CNTFR: variants seen among roughly 807,000 people sequenced by gnomAD.
CNTFR encodes the protein ciliary neurotrophic factor receptor.
In CNTFR, 12 loss-of-function variants were observed where a neutral mutation model predicts 40.4. That is an observed-to-expected ratio of 0.30 (90% CI 0.19 to 0.48). The LOEUF (loss-of-function observed/expected upper bound fraction) is 0.48, where lower values mean the gene tolerates loss of function less well. Among genes scored for constraint, CNTFR ranks in the 20% least tolerant of loss-of-function variants. The pLI is 0.99. For missense variants in CNTFR, 414 were observed against 506.8 expected (o/e 0.82, Z 1.76); for synonymous variants, 202 against 209.6 (o/e 0.96, Z 0.31).
upstream of CNTFR, among the ~76,000 whole-genome samples, chr9:34,590,377 C>A (rs951736327): frequency 9.9e-5 from 15 of 152,202 alleles, no homozygotes; most frequent in African/African-American, 3.6e-4. Context: ...CCTCCGGCGT[C>A]GCCGTGAGAG....
At position 34,577,413 on chromosome 9, in the gene CNTFR, G is replaced by A. The variant is rs117250246; in HGVS notation, c.-1+3682C>T. Among the ~76,000 whole-genome samples the A allele has an allele frequency of 2.0e-3, 312 of 152,344 alleles. 7 individuals carry two copies. In the East Asian group the frequency reaches 0.054, roughly 26 times the overall value. On this transcript the variant is annotated intron_variant, in intron 2 of 9. Coordinates refer to ENST00000378980, the MANE Select transcript of CNTFR (RefSeq NM_147164.3). ...GGGCAGTGGGGACAAAAGAAACCAGGCAGCAGGGTGTAAGGAAACCAGGTG... is the reference window on the plus strand; with the variant it reads ...GGGCAGTGGGGACAAAAGAAACCAGACAGCAGGGTGTAAGGAAACCAGGTG...
At chr9:34,563,390 C>A (rs1233559334) in intron 4 of CNTFR, among the ~76,000 whole-genome samples, 1 of 152,224 alleles carries the variant, frequency 6.6e-6, no homozygotes, top group African/African-American at 2.4e-5. Flanking sequence ...ATCCCAGCTC[C>A]CTCACCCTCA....
At chr9:34,577,843 GAAGA>G (rs1456241806) in intron 2 of CNTFR, among the ~76,000 whole-genome samples, 2 of 152,058 alleles carry the variant, frequency 1.3e-5, no homozygotes, top group Non-Finnish European at 2.9e-5. Flanking sequence ...GAAGAGAAAA[GAAGA>G]GAGACAGCTT....
rs1825893819 is a variant in CNTFR at position 34,557,467 on chromosome 9, C to T, written c.604+59G>A. The T allele has an allele frequency of 1.1e-5, 17 of 1,579,742 alleles. No homozygotes were observed. The South Asian group carries it at 1.4e-4, about 13-fold the overall frequency. On this transcript the variant is annotated intron_variant, in intron 6 of 9. Coordinates refer to ENST00000378980, the MANE Select transcript of CNTFR (RefSeq NM_147164.3). This position sits in a 1 kb window ranked among gnomAD's most constrained non-coding sequence, Gnocchi z 4.2. ...CATGTGGACATCCCCACCAATGGCA[C>T]ACATCCACTTACATTCCCACTGGAG...
Position 34,551,882 on chromosome 9 carries a change from G to C in CNTFR, c.*189C>G, listed in dbSNP as rs929311696. 2.9e-6 allele frequency: 2 copies of C among 690,148 alleles called. No individual in the cohort carries two copies. The highest frequency in any genetic ancestry group is 3.5e-5 in the African/African-American group (2 of 56,774). 42.8% of individuals were successfully genotyped at this position (690,148 alleles called of 1,614,324 possible). ...CCCACCTCCCCTGAGGGAGGAAGGA[G>C]GGCCAGCTTGGTGCGGCAGGGCTGG... On this transcript the variant is annotated 3_prime_UTR_variant, in exon 10 of 10. Coordinates refer to ENST00000378980, the MANE Select transcript of CNTFR (RefSeq NM_147164.3).
At chr9:34,568,862 A>AG in intron 3 of CNTFR, 35 bp downstream of exon 3, 1 of 1,544,692 alleles carries the variant, frequency 6.5e-7, no homozygotes, top group Non-Finnish European at 8.8e-7. Context: ...CAGCTCTGAG[A>AG]GGGGGGTCAG....
At chr9:34,580,756 A>G (rs191688887) in intron 2 of CNTFR, among the ~76,000 whole-genome samples, 8 of 152,278 alleles carry the variant, frequency 5.3e-5, no homozygotes, top group Admixed American at 5.2e-4. Context: ...CTCCAATCAA[A>G]TAAGAGAGAT....
At chr9:34,579,399 T>C (rs1289651222) in intron 2 of CNTFR, among the ~76,000 whole-genome samples, 1 of 149,756 alleles carries the variant, frequency 6.7e-6, no homozygotes, top group Non-Finnish European at 1.5e-5. Context: ...AGAGCTGGGG[T>C]TGGGGGAGAA....
intron 7 of CNTFR, among the ~76,000 whole-genome samples, chr9:34,555,482 C>T (rs959517129): frequency 6.6e-6 from 1 of 152,104 alleles, no homozygotes; most frequent in Non-Finnish European, 1.5e-5. Flanking sequence ...GGGCCCAGGG[C>T]CCTCAAAGCA....
At position 34,552,659 on chromosome 9, in the gene CNTFR, C is replaced by T. The variant is rs1176576806; in HGVS notation, c.949+15G>A. On this transcript the variant is annotated intron_variant, in intron 8 of 9. Transcript: ENST00000378980. This position sits in a 1 kb window ranked among gnomAD's most constrained non-coding sequence, Gnocchi z 5.1. Reference sequence around the variant, plus strand: ...GGACAGCAAAGCCAGGAGGTAGGGGCGGGAGCAAGCTCACCCGCAGCCTGG... The same window carrying T: ...GGACAGCAAAGCCAGGAGGTAGGGGTGGGAGCAAGCTCACCCGCAGCCTGG... The T allele has an allele frequency of 9.9e-6, 16 of 1,610,210 alleles. No individual in the cohort carries two copies. Among genetic ancestry groups the T allele is most frequent in the East Asian group, 2.2e-5 (1 of 44,864 alleles).
At chr9:34,558,207 C>G (rs528203869) in intron 4 of CNTFR, among the ~76,000 whole-genome samples, 18 of 152,332 alleles carry the variant, frequency 1.2e-4, no homozygotes, top group African/African-American at 3.6e-4. Context: ...CGGAACCCCC[C>G]CTCCACCTGC....
chr9:34,553,877 C>T (rs1199095931), intron 7 of CNTFR, among the ~76,000 whole-genome samples: 5 of 152,228 alleles, frequency 3.3e-5, no homozygotes, highest in East Asian at 1.9e-4. Flanking sequence ...CTCTGGGCCA[C>T]GTCTGGCTTC....
Position 34,557,389 on chromosome 9 carries a change from G to A in CNTFR, c.604+137C>T, listed in dbSNP as rs752019553. The A allele has an allele frequency of 1.7e-5, 15 of 892,590 alleles. No individual in the cohort carries two copies. The highest frequency in any genetic ancestry group is 2.1e-5 in the Non-Finnish European group (12 of 578,506). The allele number at this position is 892,590 out of a possible 1,614,324, so 55.3% of individuals were successfully genotyped here. The stretch of plus-strand genomic sequence containing the variant: ...CATGCATATATGTGCACATATATGT[G>A]CACTGTACATACCTGTGCAGAGGCA... On this transcript the variant is annotated intron_variant, in intron 6 of 9. Coordinates refer to ENST00000378980, the MANE Select transcript of CNTFR (RefSeq NM_147164.3). The surrounding 1 kb of genome is among the most constrained non-coding windows in gnomAD (Gnocchi z 4.2).
In CNTFR at chr9:34,551,667, A is replaced by G. The variant is rs1390738429; in HGVS notation, c.*404T>C. 4 of 351,410 alleles carry G rather than the reference A, an allele frequency of 1.1e-5. No individual in the cohort carries two copies. The highest frequency in any genetic ancestry group is 2.1e-5 in the African/African-American group (1 of 46,630). 21.8% of individuals were successfully genotyped at this position (351,410 alleles called of 1,614,324 possible). ...AGGGGGATGGCTGGGCCCCCCCAGCATCAGGAGCTTATAATCTGATGGTGG... is the reference window on the plus strand; with the variant it reads ...AGGGGGATGGCTGGGCCCCCCCAGCGTCAGGAGCTTATAATCTGATGGTGG... On this transcript the variant is annotated 3_prime_UTR_variant, in exon 10 of 10. Transcript: ENST00000378980.
rs1022516382 is a variant in CNTFR at position 34,557,287 on chromosome 9, A to G, written c.604+239T>C. 3.3e-5 allele frequency among the ~76,000 whole-genome samples: 5 copies of G among 152,140 alleles called. No individual in the cohort carries two copies. Among genetic ancestry groups the G allele is most frequent in the African/African-American group, 1.2e-4 (5 of 41,410 alleles). ...GCATGTTCTGGGAGCCAGAAAAATG[A>G]TCGAAAGAGCTGCTGGACAGGTCTC... On this transcript the variant is annotated intron_variant, in intron 6 of 9. Transcript: ENST00000378980. The surrounding 1 kb of genome is among the most constrained non-coding windows in gnomAD (Gnocchi z 4.2).
Position 34,552,353 on chromosome 9 carries a change from G to A in CNTFR, c.950-24C>T, listed in dbSNP as rs1413706662. 6.5e-7 allele frequency: 1 copy of A among 1,530,206 alleles called. No individual in the cohort carries two copies. The highest frequency in any genetic ancestry group is 1.2e-5 in the South Asian group (1 of 83,106). The allele number at this position is 1,530,206 out of a possible 1,614,324, so 94.8% of individuals were successfully genotyped here. A position where few individuals can be genotyped will look rare whatever the true frequency, so the allele number is the denominator to read the frequency against. On this transcript the variant is annotated intron_variant, in intron 8 of 9. Transcript: ENST00000378980. The surrounding 1 kb of genome is among the most constrained non-coding windows in gnomAD (Gnocchi z 5.1). ...CTCTGGGGAACATGGGGGAAACTCA[G>A]GGCAAGGCCAGGGCTGGGTCCCATC...
intron 1 of CNTFR, chr9:34,582,702 T>C (rs370081588): frequency 1.7e-4 from 26 of 151,736 alleles, no homozygotes; most frequent in African/African-American, 5.8e-4. Flanking sequence ...TAGTGACAGA[T>C]ACAGCCACAC....
intron 4 of CNTFR, among the ~76,000 whole-genome samples, chr9:34,559,254 ACT>A (rs1564060322): frequency 6.6e-6 from 1 of 151,974 alleles, no homozygotes; most frequent in Non-Finnish European, 1.5e-5. Context: ...ACTGTGAGTG[ACT>A]CTGTGTGATT....
intron 3 of CNTFR, among the ~76,000 whole-genome samples, chr9:34,567,105 A>G (rs969837912): frequency 3.3e-5 from 5 of 152,204 alleles, no homozygotes; most frequent in Non-Finnish European, 5.9e-5. Flanking sequence ...GTCTCTGGAC[A>G]GCTCTGCTCC....
Sources: gnomAD v4.1 joint callset for allele counts (sites outside exome capture counted in the v4.1 genomes callset) on GRCh38, gnomAD v4.1.1 for gene constraint, Gnocchi (gnomAD v3.1) non-coding constraint, MANE v1.5 for transcripts, NCBI Gene and HGNC (gene_info 2026-07-23, HGNC 2026-07-21) for gene names.